GRIN3A: variants seen among roughly 807,000 people sequenced by gnomAD.
GRIN3A encodes glutamate receptor ionotropic, NMDA 3A.
A neutral mutation model predicts 92.4 loss-of-function variants in GRIN3A; 47 were observed. The observed-to-expected ratio is 0.51, with a 90% CI of 0.40 to 0.65. The LOEUF is 0.65. Ranked by LOEUF, GRIN3A falls within the 30% of genes least tolerant of loss-of-function variation. The pLI, the probability that GRIN3A is intolerant of heterozygous loss-of-function variation, is 0.00. For synonymous variants in GRIN3A, 527 were observed against 540.6 expected, an observed-to-expected ratio of 0.97 and a Z score of 0.35; for missense variants, 1,324 against 1,393.1, an observed-to-expected ratio of 0.95 and a Z score of 0.79.
intron 3 of GRIN3A, among the ~76,000 whole-genome samples, chr9:101,659,431 A>G (rs1475898095): frequency 7.9e-6 from 1 of 126,058 alleles, no homozygotes; most frequent in Non-Finnish European, 1.7e-5. Context: ...CTATGTATTT[A>G]TTTATACATA....
intron 3 of GRIN3A, among the ~76,000 whole-genome samples, chr9:101,643,507 T>C (rs1260118123): frequency 6.6e-6 from 1 of 151,942 alleles, no homozygotes; most frequent in Non-Finnish European, 1.5e-5. Flanking sequence ...CTCAAAAAAC[T>C]AAAAATAGAA....
intron 1 of GRIN3A, among the ~76,000 whole-genome samples, chr9:101,723,008 ACC>A (rs1199832028): frequency 6.6e-6 from 1 of 152,154 alleles, no homozygotes; most frequent in African/African-American, 2.4e-5. Context: ...CTGTGTCCCC[ACC>A]CAAATCTCAA....
At chr9:101,627,012 A>G (rs1220809799) in intron 4 of GRIN3A, among the ~76,000 whole-genome samples, 1 of 152,234 alleles carries the variant, frequency 6.6e-6, no homozygotes, top group East Asian at 1.9e-4. Flanking sequence ...GGACTGCAGC[A>G]GTAGCTCATC....
At chr9:101,716,284 CTT>C (rs1484488904) in intron 1 of GRIN3A, among the ~76,000 whole-genome samples, 1 of 151,978 alleles carries the variant, frequency 6.6e-6, no homozygotes, top group African/African-American at 2.4e-5. Context: ...TTTAGTGCCT[CTT>C]GAATTTTAGT....
intron 3 of GRIN3A, among the ~76,000 whole-genome samples, chr9:101,659,218 A>G (rs1372151147): frequency 9.2e-5 from 14 of 151,794 alleles, no homozygotes; most frequent in Admixed American, 9.2e-4. Context: ...TTAAAATAAT[A>G]TTAATGTGTC....
chr9:101,672,444 C>T (rs1028220248), intron 2 of GRIN3A, among the ~76,000 whole-genome samples: 2 of 152,004 alleles, frequency 1.3e-5, no homozygotes, highest in Non-Finnish European at 2.9e-5. Context: ...AAATCCATGG[C>T]AGTTACTCAA....
intron 1 of GRIN3A, among the ~76,000 whole-genome samples, chr9:101,735,070 A>G (rs1377146544): frequency 6.6e-6 from 1 of 151,936 alleles, no homozygotes; most frequent in African/African-American, 2.4e-5. Flanking sequence ...GATTACGGTC[A>G]TCTTAAAATT....
chr9:101,573,337 T>G lies in GRIN3A; in HGVS notation c.3185A>C (p.Asn1062Thr). ...TACATTTAGGGAGTCTGCTTTCCCA[T>G]TGGTGGTCCGCAAGGCAGGGAGCTC... ...RRELPALRTT[N>T]GKADSLNVSR... The change falls in exon 9 of 9, where the codon AAT becomes ACT. Residue 1062 changes from asparagine (N) to threonine (T), a missense_variant. Transcript: ENST00000361820. 1 of 1,614,030 alleles carries G rather than the reference T, an allele frequency of 6.2e-7. No individual in the cohort carries two copies. The highest frequency in any genetic ancestry group is 8.5e-7 in the Non-Finnish European group (1 of 1,179,968).
rs568879361 is a variant in GRIN3A, at chr9:101,735,167, A to G, written c.699+2114T>C. Among the ~76,000 whole-genome samples the G allele has an allele frequency of 6.0e-4, 91 of 151,970 alleles. 1 individual carries two copies. Among genetic ancestry groups the G allele is most frequent in the African/African-American group, 1.6e-3 (65 of 41,540 alleles). ...ATTTAAATGAGATACCAAAAGTAAG[A>G]CAAATTAGATATGTTTGAATTTAAA... On this transcript the variant is annotated intron_variant, in intron 1 of 8. Coordinates refer to ENST00000361820, the MANE Select transcript of GRIN3A (RefSeq NM_133445.3).
At chr9:101,600,015 G>A (rs192448110) in intron 6 of GRIN3A, among the ~76,000 whole-genome samples, 18 of 152,294 alleles carry the variant, frequency 1.2e-4, no homozygotes, top group Admixed American at 7.8e-4. Flanking sequence ...CTGAAATGGT[G>A]TTTAATGAAT....
intron 8 of GRIN3A, among the ~76,000 whole-genome samples, chr9:101,573,944 C>T: frequency 6.6e-6 from 1 of 151,996 alleles, no homozygotes; most frequent in Non-Finnish European, 1.5e-5. Flanking sequence ...GAGCATCAAC[C>T]TGCTGACAGA....
chr9:101,649,958 CAA>C (rs957173933), intron 3 of GRIN3A, among the ~76,000 whole-genome samples: 5 of 152,000 alleles, frequency 3.3e-5, no homozygotes, highest in African/African-American at 1.2e-4. Flanking sequence ...GAGTTGGATT[CAA>C]AGAGTGGAGC....
rs1248002224 is a variant in GRIN3A, at chr9:101,671,890, A to T, written c.1305-783T>A. On this transcript the variant is annotated intron_variant, in intron 2 of 8. Transcript: ENST00000361820. ...AAAGGAAAATTACCAACTAAATAAT[A>T]TAGTGATTCCTAACCCTGTGAACTA... Among the ~76,000 whole-genome samples the T allele has an allele frequency of 2.6e-5, 4 of 152,196 alleles. 1 individual carries two copies. The highest frequency in any genetic ancestry group is 5.9e-5 in the Non-Finnish European group (4 of 68,022).
chr9:101,698,328 G>A (rs987485581), intron 1 of GRIN3A, among the ~76,000 whole-genome samples: 2 of 152,114 alleles, frequency 1.3e-5, no homozygotes, highest in Admixed American at 1.3e-4. Flanking sequence ...AATTTAAAAT[G>A]GAAAGAATTT....
chr9:101,586,698 C>G (rs1827955038), intron 6 of GRIN3A, among the ~76,000 whole-genome samples: 1 of 152,128 alleles, frequency 6.6e-6, no homozygotes, highest in Non-Finnish European at 1.5e-5. Context: ...TCTTAGGATC[C>G]TTTCTTTGGG....
intron 7 of GRIN3A, 75 bp downstream of exon 7, chr9:101,579,121 T>C (rs966085630): frequency 2.7e-6 from 4 of 1,485,730 alleles, no homozygotes; most frequent in Non-Finnish European, 3.8e-6. Context: ...TAGTCTGACA[T>C]AGGGCTCTGG....
intron 3 of GRIN3A, among the ~76,000 whole-genome samples, chr9:101,647,428 C>A (rs537694901): frequency 2.0e-5 from 3 of 151,706 alleles, no homozygotes; most frequent in African/African-American, 4.8e-5. Flanking sequence ...CAACTAGATT[C>A]ATCAGTGAAA....
At chr9:101,621,113 TG>T (rs1828547837) in intron 5 of GRIN3A, among the ~76,000 whole-genome samples, 1 of 151,886 alleles carries the variant, frequency 6.6e-6, no homozygotes, top group African/African-American at 2.4e-5. Flanking sequence ...GGTGAAATCC[TG>T]TCTCTACTAA....
chr9:101,656,148 A>G (rs1368750272), intron 3 of GRIN3A, among the ~76,000 whole-genome samples: 2 of 152,026 alleles, frequency 1.3e-5, no homozygotes, highest in African/African-American at 2.4e-5. Flanking sequence ...AAAGGCTTGC[A>G]AAAGGAATTT....
Sources: gnomAD v4.1 joint callset for allele counts (sites outside exome capture counted in the v4.1 genomes callset) on GRCh38, gnomAD v4.1.1 for gene constraint, MANE v1.5 for transcripts, NCBI Gene and HGNC (gene_info 2026-07-23, HGNC 2026-07-21) for gene names.